TMEM233: variants seen among roughly 807,000 people sequenced by gnomAD.
TMEM233 encodes transmembrane protein 233, also known as dispanin subfamily B member 2.
TMEM233 carries 6 observed loss-of-function variants against 11.2 expected under a neutral mutation model. The ratio of observed to expected loss-of-function variants is 0.54; its 90% CI spans 0.29 to 1.06. The LOEUF (loss-of-function observed/expected upper bound fraction) is 1.06. Ranked by LOEUF, TMEM233 falls within the 50% of genes least tolerant of loss-of-function variation. TMEM233 has a pLI of 0.08. For missense variants in TMEM233, 127 were observed against 144.7 expected (o/e 0.88, Z 0.63); for synonymous variants, 59 against 55.8 (o/e 1.06, Z -0.26).
chr12:119,600,603 G>A (rs892931375), intron 1 of TMEM233, among the ~76,000 whole-genome samples: 2 of 152,190 alleles, frequency 1.3e-5, no homozygotes, highest in Non-Finnish European at 2.9e-5. Context: ...ATATTATTCA[G>A]TCTTTAAAAG....
intron 1 of TMEM233, among the ~76,000 whole-genome samples, chr12:119,613,540 A>G (rs767107696): frequency 3.9e-5 from 6 of 152,200 alleles, no homozygotes; most frequent in Non-Finnish European, 8.8e-5. Flanking sequence ...CTGGCTGAGT[A>G]CAGTGGCTCA....
intron 1 of TMEM233, among the ~76,000 whole-genome samples, chr12:119,596,623 G>C (rs1410322054): frequency 3.4e-5 from 5 of 148,004 alleles, no homozygotes; most frequent in Non-Finnish European, 5.9e-5. Context: ...ACCCCAACCA[G>C]CTGGGACTAC....
At chr12:119,650,484 C>T in the TMEM233 span, among the ~76,000 whole-genome samples, 3 of 152,228 alleles carry the variant, frequency 2.0e-5, no homozygotes, top group South Asian at 2.1e-4. Context: ...CTACTTTCTA[C>T]GCATAACAGC....
chr12:119,626,583 AG>A (rs1954771709), intron 1 of TMEM233, among the ~76,000 whole-genome samples: 1 of 141,672 alleles, frequency 7.1e-6, no homozygotes, highest in Admixed American at 6.9e-5. Context: ...AGAGAAGAGA[AG>A]AGAAGAGAAG....
At chr12:119,645,332 A>AAAAAAAAAC (rs1955136563), downstream of TMEM233, among the ~76,000 whole-genome samples, 1 of 151,812 alleles carries the variant, frequency 6.6e-6, no homozygotes, top group Non-Finnish European at 1.5e-5. Context: ...AAAAAAAAAA[A>AAAAAAAAAC]AAAAAAATCT....
Position 119,593,955 on chromosome 12 carries a change from A to G in TMEM233, c.107A>G (p.Asn36Ser). ...GAGGAGGACGTGCCCATGCCCAAGA[A>G]CTACCTGTGGCTCACCATCGTCTCG... ...KTEEDVPMPK[N>S]YLWLTIVSCF... Residue 36 changes from asparagine (N) to serine (S), a missense_variant, in exon 1 of 3, where the codon AAC becomes AGC. By Grantham distance (46) the Asn-to-Ser change is conservative. Transcript: ENST00000426426. The surrounding 1 kb of genome is among the most constrained non-coding windows in gnomAD (Gnocchi z 4.1). 6.4e-7 allele frequency: 1 copy of G among 1,551,714 alleles called. No individual in the cohort carries two copies. The highest frequency in any genetic ancestry group is 8.7e-7 in the Non-Finnish European group (1 of 1,146,974).
At chr12:119,640,218 A>C (rs1196652430) in intron 2 of TMEM233, among the ~76,000 whole-genome samples, 7 of 152,168 alleles carry the variant, frequency 4.6e-5, no homozygotes, top group African/African-American at 1.4e-4. Context: ...GCAGTGGCAC[A>C]ATCTCGGCTC....
At position 119,642,453 on chromosome 12, in the gene TMEM233, A is replaced by G. The variant is rs1243621200; in HGVS notation, c.*1748A>G. The G allele has an allele frequency of 6.6e-6, 1 of 152,240 alleles. No individual in the cohort carries two copies. Among genetic ancestry groups the G allele is most frequent in the Non-Finnish European group, 1.5e-5 (1 of 68,066 alleles). 9.4% of individuals were successfully genotyped at this position (152,240 alleles called of 1,614,324 possible). A position where few individuals can be genotyped will look rare whatever the true frequency, so the allele number is the denominator to read the frequency against. ...ACAGAGCAAGACTCCATCTCAAAAA[A>G]AAAAGAAAAGAAAACGAAAGAAAAA... On this transcript the variant is annotated 3_prime_UTR_variant, in exon 3 of 3. Coordinates refer to ENST00000426426, the MANE Select transcript of TMEM233 (RefSeq NM_001136534.3).
chr12:119,628,831 G>A (rs1231113841), intron 1 of TMEM233, among the ~76,000 whole-genome samples: 1 of 152,126 alleles, frequency 6.6e-6, no homozygotes, highest in African/African-American at 2.4e-5. Context: ...TTTCCTGAGA[G>A]AGGTCAAAAA....
At position 119,621,790 on chromosome 12, in the gene TMEM233, A is replaced by G. The variant is rs542830910; in HGVS notation, c.187-7946A>G. Among the ~76,000 whole-genome samples the G allele has an allele frequency of 2.0e-5, 3 of 152,388 alleles. No homozygotes were observed. The East Asian group carries it at 5.8e-4, about 29-fold the overall frequency. ...TCAAAGAAAGACTTAAGGCCAAAAC[A>G]TTTAGAGAAGAAAAGATTTTACTTC... On this transcript the variant is annotated intron_variant, in intron 1 of 2. Transcript: ENST00000426426.
intron 1 of TMEM233, among the ~76,000 whole-genome samples, chr12:119,625,367 C>CTTCTTTT (rs71072545): frequency 4.8e-5 from 7 of 145,574 alleles, no homozygotes; most frequent in African/African-American, 1.0e-4. Flanking sequence ...ATAACTTCTT[C>CTTCTTTT]TTTTTTTTTT....
intron 2 of TMEM233, among the ~76,000 whole-genome samples, chr12:119,635,915 G>A (rs543363329): frequency 3.3e-5 from 5 of 152,316 alleles, no homozygotes; most frequent in East Asian, 1.9e-4. Context: ...AGGAAGGGGC[G>A]TGGTGTTTCC....
At chr12:119,622,986 G>A (rs1475174936) in intron 1 of TMEM233, among the ~76,000 whole-genome samples, 2 of 152,166 alleles carry the variant, frequency 1.3e-5, no homozygotes, top group African/African-American at 4.8e-5. Context: ...AGCAGGTGAT[G>A]AACGTGGGGC....
At position 119,615,173 on chromosome 12, in the gene TMEM233, T is replaced by TAAAAAAAAAAAAAAAAAAAAAAAAA. The variant is rs60318959; in HGVS notation, c.187-14554_187-14530dup. Among the ~76,000 whole-genome samples the TAAAAAAAAAAAAAAAAAAAAAAAAA allele has an allele frequency of 2.1e-4, 12 of 56,194 alleles. 1 individual carries two copies. The highest frequency in any genetic ancestry group is 7.4e-4 in the East Asian group (1 of 1,348). The allele number at this position is 56,194 out of a possible 152,430, so 36.9% of individuals were successfully genotyped here. ...AGGTCTCAGTCTACCCGCTTTCTGC[T>TAAAAAAAAAAAAAAAAAAAAAAAAA]AAAAAAAAAAAAAAAAAAAAAAAAA... On this transcript the variant is annotated intron_variant, in intron 1 of 2. Transcript: ENST00000426426.
At chr12:119,631,975 A>G (rs1954895415) in intron 2 of TMEM233, among the ~76,000 whole-genome samples, 1 of 152,234 alleles carries the variant, frequency 6.6e-6, no homozygotes, top group Non-Finnish European at 1.5e-5. Flanking sequence ...AGAATTCAAG[A>G]TGCCATTAAA....
chr12:119,621,744 T>C (rs1024814013), intron 1 of TMEM233, among the ~76,000 whole-genome samples: 4 of 152,194 alleles, frequency 2.6e-5, no homozygotes, highest in Non-Finnish European at 5.9e-5. Flanking sequence ...ATAAATACTA[T>C]CTGTTATCAT....
At chr12:119,603,748 C>T (rs1272292886) in intron 1 of TMEM233, among the ~76,000 whole-genome samples, 1 of 152,134 alleles carries the variant, frequency 6.6e-6, no homozygotes, top group East Asian at 1.9e-4. Flanking sequence ...ACTGTTAGCC[C>T]CAGCACCTAG....
intron 1 of TMEM233, among the ~76,000 whole-genome samples, chr12:119,610,244 G>A (rs1183176024): frequency 6.6e-6 from 1 of 152,228 alleles, no homozygotes. Flanking sequence ...TTTACCCAAT[G>A]CCTGTACTCC....
intron 1 of TMEM233, among the ~76,000 whole-genome samples, chr12:119,611,746 C>T (rs1954403166): frequency 6.6e-6 from 1 of 152,128 alleles, no homozygotes; most frequent in Non-Finnish European, 1.5e-5. Context: ...TGGCTCCCAA[C>T]ATGAACACTG....
Sources: gnomAD v4.1 joint callset for allele counts (sites outside exome capture counted in the v4.1 genomes callset) on GRCh38, gnomAD v4.1.1 for gene constraint, Gnocchi (gnomAD v3.1) non-coding constraint, MANE v1.5 for transcripts, NCBI Gene and HGNC (gene_info 2026-07-23, HGNC 2026-07-21) for gene names.